ADD3: variants seen among roughly 807,000 people sequenced by gnomAD.
ADD3 encodes the protein adducin 3.
Under a neutral mutation model 80.2 loss-of-function variants are expected in ADD3, and 25 were observed. The observed-to-expected ratio is 0.31, with a 90% CI of 0.23 to 0.44. The LOEUF is 0.44. ADD3 is among the 20% of genes least tolerant of loss of function. ADD3 has a pLI of 1.00. For missense variants in ADD3, 829 were observed against 847.5 expected, an observed-to-expected ratio of 0.98 and a Z score of 0.27; for synonymous variants, 284 against 289.6, an observed-to-expected ratio of 0.98 and a Z score of 0.20.
chr10:110,133,178 A>G (rs1853272753), intron 14 of ADD3, 148 bp from the exon 15 acceptor site: 6 of 772,564 alleles, frequency 7.8e-6, no homozygotes, highest in South Asian at 3.9e-5. Context: ...CTTCTTGCTA[A>G]TAGATCACAG....
In ADD3 at chr10:110,122,213, G is replaced by T. The variant is rs367814128; in HGVS notation, c.1064G>T (p.Gly355Val). Reference protein sequence around the residue: ...TYTVAASGGGGVNMGSHQKWK... With the variant: ...TYTVAASGGGVVNMGSHQKWK... The stretch of plus-strand genomic sequence containing the variant: ...ACTGTAGCAGCGTCTGGTGGAGGAG[G>T]TGTGAATATGGGTTCCCATCAAAAA... Residue 355 changes from glycine (G) to valine (V), a missense_variant, in exon 9 of 15, where the codon GGT becomes GTT. Transcript: ENST00000356080. The T allele has an allele frequency of 1.3e-5, 21 of 1,614,044 alleles. No individual in the cohort carries two copies. Among genetic ancestry groups the T allele is most frequent in the Non-Finnish European group, 1.7e-5 (20 of 1,180,010 alleles).
chr10:110,000,346 T>C (rs1851462000), intron 1 of ADD3, among the ~76,000 whole-genome samples: 1 of 152,258 alleles, frequency 6.6e-6, no homozygotes, highest in Admixed American at 6.5e-5. Context: ...ATTTGTATTA[T>C]GTCAGAATAT....
intron 1 of ADD3, among the ~76,000 whole-genome samples, chr10:110,091,545 T>C (rs1349170345): frequency 6.6e-6 from 1 of 152,186 alleles, no homozygotes; most frequent in Non-Finnish European, 1.5e-5. Flanking sequence ...GGATTCCCTA[T>C]TCAATAAATG....
intron 1 of ADD3, among the ~76,000 whole-genome samples, chr10:110,043,500 A>T (rs1194601624): frequency 6.6e-6 from 1 of 152,176 alleles, no homozygotes. Flanking sequence ...TTAACCAAGG[A>T]TGAATAGCTT....
At chr10:110,114,440 T>G (rs1850437724) in intron 3 of ADD3, among the ~76,000 whole-genome samples, 1 of 152,214 alleles carries the variant, frequency 6.6e-6, no homozygotes, top group South Asian at 2.1e-4. Context: ...TCAATGGCTT[T>G]ATGCATAATG....
chr10:110,095,407 G>C (rs1420161099), intron 1 of ADD3, among the ~76,000 whole-genome samples: 1 of 152,140 alleles, frequency 6.6e-6, no homozygotes, highest in African/African-American at 2.4e-5. Flanking sequence ...CCATTAATCT[G>C]TTTTCTACCT....
rs78761287 is a variant in ADD3 at position 110,113,632 on chromosome 10, C to T, written c.334+717C>T. ...ATGTGGCTGGATATAAATCATATCA[C>T]AGTTGGATTTGGAAGTTTGGGTTTT... On this transcript the variant is annotated intron_variant, in intron 3 of 14. Transcript: ENST00000356080. Among the ~76,000 whole-genome samples, 116 of 152,252 alleles carry T rather than the reference C, an allele frequency of 7.6e-4. 1 individual carries two copies. In the East Asian group the frequency reaches 0.02, roughly 26 times the overall value.
intron 2 of ADD3, among the ~76,000 whole-genome samples, chr10:110,108,484 G>C (rs2134014022): frequency 6.6e-6 from 1 of 152,206 alleles, no homozygotes; most frequent in East Asian, 1.9e-4. Context: ...TCAGGACTTT[G>C]TGGTGAGACT....
At chr10:110,123,956 G>C in intron 9 of ADD3, 61 bp from the exon 10 acceptor site, 3 of 1,509,686 alleles carry the variant, frequency 2.0e-6, no homozygotes, top group Non-Finnish European at 2.7e-6. Context: ...AAGGAATTAG[G>C]ATCCAAATGC....
intron 1 of ADD3, among the ~76,000 whole-genome samples, chr10:110,091,873 T>C (rs1847558969): frequency 6.6e-6 from 1 of 152,086 alleles, no homozygotes; most frequent in African/African-American, 2.4e-5. Flanking sequence ...TATCCAGAGT[T>C]TATGAGGAAC....
At chr10:110,024,437 G>A (rs1365539431) in intron 1 of ADD3, among the ~76,000 whole-genome samples, 1 of 152,176 alleles carries the variant, frequency 6.6e-6, no homozygotes, top group Non-Finnish European at 1.5e-5. Flanking sequence ...AAGACTTTTT[G>A]CACATTTGAA....
chr10:110,133,601 G>T lies in ADD3; in HGVS notation c.2104G>T (p.Glu702Ter). The change falls in exon 15 of 15, where the codon GAG (glutamate) becomes TAG (stop). Residue 702 changes from glutamate (E) to a stop codon, truncating the protein, a stop_gained. Coordinates refer to ENST00000356080, the MANE Select transcript of ADD3 (RefSeq NM_016824.5). LOFTEE classifies it high-confidence loss of function. ...PSFLKKNKKK[E>*]KVEA ...TTTTCTGAAAAAGAACAAAAAAAAG[G>T]AGAAAGTTGAGGCCTAAATAAAGTC... is the stretch of plus-strand genomic sequence containing the variant. The T allele has an allele frequency of 6.3e-7, 1 of 1,586,398 alleles. No individual in the cohort carries two copies. Among genetic ancestry groups the T allele is most frequent in the South Asian group, 1.2e-5 (1 of 85,418 alleles).
chr10:110,128,502 G>A (rs988605962), intron 12 of ADD3, among the ~76,000 whole-genome samples: 4 of 151,944 alleles, frequency 2.6e-5, no homozygotes, highest in East Asian at 1.9e-4. Context: ...TGCAAGCTCC[G>A]CCTTCCTGGG....
At chr10:110,015,470 G>A (rs902508554) in intron 1 of ADD3, among the ~76,000 whole-genome samples, 2 of 151,432 alleles carry the variant, frequency 1.3e-5, no homozygotes, top group Admixed American at 6.6e-5. Flanking sequence ...CCGCCTCCTG[G>A]GTTCATGCCA....
intron 2 of ADD3, chr10:110,112,486 G>T (rs1850171572): frequency 8.3e-6 from 2 of 239,828 alleles, no homozygotes; most frequent in Admixed American, 1.0e-4. Context: ...CTTGGTGCTT[G>T]AGTTGTATAT....
intron 8 of ADD3, among the ~76,000 whole-genome samples, chr10:110,121,415 G>A (rs1004183092): frequency 3.3e-5 from 5 of 152,168 alleles, no homozygotes; most frequent in African/African-American, 1.2e-4. Flanking sequence ...CCCGGGAGGC[G>A]AAGTTTGCAG....
chr10:110,054,644 G>A (rs997418814), intron 1 of ADD3, among the ~76,000 whole-genome samples: 12 of 141,384 alleles, frequency 8.5e-5, no homozygotes, highest in African/African-American at 3.0e-4. Flanking sequence ...ACGGAGTCTC[G>A]CTCTGTCCCC....
intron 1 of ADD3, among the ~76,000 whole-genome samples, chr10:110,099,371 T>A (rs1177410055): frequency 6.6e-6 from 1 of 152,200 alleles, no homozygotes; most frequent in East Asian, 1.9e-4. Context: ...TAGCATATAT[T>A]CATTCTCAAT....
intron 2 of ADD3, among the ~76,000 whole-genome samples, chr10:110,111,963 G>A (rs958824716): frequency 5.5e-4 from 84 of 152,052 alleles, no homozygotes; most frequent in Non-Finnish European, 6.8e-4. Context: ...TGCAGAGAGT[G>A]ATTAGAACTC....
Sources: gnomAD v4.1 joint callset for allele counts (sites outside exome capture counted in the v4.1 genomes callset) on GRCh38, gnomAD v4.1.1 for gene constraint, MANE v1.5 for transcripts, NCBI Gene and HGNC (gene_info 2026-07-23, HGNC 2026-07-21) for gene names.